The following HSD17B14 variants were observed in gnomAD, a reference collection of about 807,000 sequenced individuals.
The protein encoded by HSD17B14 is L-fucose dehydrogenase.
A neutral mutation model predicts 32.2 loss-of-function variants in HSD17B14; 32 were observed. The observed-to-expected ratio is 0.99, with a 90% CI of 0.75 to 1.33. HSD17B14 has a LOEUF of 1.33. Among genes scored for constraint, HSD17B14 ranks in the 40% most tolerant of loss-of-function variants. The pLI is 0.00. For synonymous variants in HSD17B14, 140 were observed against 155.4 expected (o/e 0.90, Z 0.74); for missense variants, 370 against 366.5 (o/e 1.01, Z -0.08).
At chr19:48,820,230 TTGGGAGGCCAAGGCAGG>T (rs1467422088) in intron 5 of HSD17B14, among the ~76,000 whole-genome samples, 33 of 152,022 alleles carry the variant, frequency 2.2e-4, no homozygotes, top group South Asian at 8.3e-4. Context: ...TCCCAGCATT[TTGGGAGGCCAAGGCAGG>T]TGGATCACCT....
At position 48,813,731 on chromosome 19, in the gene HSD17B14, C is replaced by T. The variant is rs1200340457; in HGVS notation, c.475-1G>A. 3.7e-6 allele frequency: 6 copies of T among 1,614,086 alleles called. No homozygotes were observed. Among genetic ancestry groups the T allele is most frequent in the East Asian group, 2.2e-5 (1 of 44,906 alleles). ...CTTTGGTCATGGCTGTTACTGCCCC[C>T]TGCAGGAAATGGAGCGGGGAAGAAA... On this transcript the variant is annotated splice_acceptor_variant, in intron 6 of 8. Transcript: ENST00000263278. LOFTEE classifies it high-confidence loss of function.
rs1568525793 is a variant in HSD17B14, at chr19:48,834,374, A to G, written c.128-16T>C. 19 of 1,598,816 alleles carry G rather than the reference A, an allele frequency of 1.2e-5. No individual in the cohort carries two copies. The highest frequency in any genetic ancestry group is 9.9e-5 in the South Asian group (9 of 90,490). On this transcript the variant is annotated splice_polypyrimidine_tract_variant and intron_variant, in intron 2 of 8. Coordinates refer to ENST00000263278, the MANE Select transcript of HSD17B14 (RefSeq NM_016246.3). ...CCCCCAGACTCTGCAGGGAGAGAAGAGCTGGGAGCCTGGACCCCTGGGTCT... is the reference window on the plus strand; with the variant it reads ...CCCCCAGACTCTGCAGGGAGAGAAGGGCTGGGAGCCTGGACCCCTGGGTCT...
At chr19:48,828,889 G>T (rs183003898) in intron 5 of HSD17B14, among the ~76,000 whole-genome samples, 1 of 151,778 alleles carries the variant, frequency 6.6e-6, no homozygotes, top group Non-Finnish European at 1.5e-5. Flanking sequence ...GTGAAACCTC[G>T]TCTCTACTAA....
chr19:48,830,359 G>T (rs11083950), intron 5 of HSD17B14, among the ~76,000 whole-genome samples: 2,274 of 152,174 alleles, frequency 0.015, 34 homozygotes, highest in Middle Eastern at 0.058. Context: ...CTATCACCTT[G>T]GGATGTGTTT....
intron 5 of HSD17B14, among the ~76,000 whole-genome samples, chr19:48,826,528 A>AAAAAAAAAAAAAAT (rs777368104): frequency 1.3e-4 from 3 of 23,096 alleles, no homozygotes; most frequent in African/African-American, 3.5e-4. Flanking sequence ...AAAAGAAGAA[A>AAAAAAAAAAAAAAT]ATATATATAT....
chr19:48,834,820 TG>T (rs1275434293), intron 2 of HSD17B14, among the ~76,000 whole-genome samples: 30 of 63,060 alleles, frequency 4.8e-4, no homozygotes, highest in South Asian at 7.5e-4. Flanking sequence ...GAGGAGGGGC[TG>T]GGGGCCTGGA....
At position 48,836,442 on chromosome 19, in the gene HSD17B14, C is replaced by T; in HGVS notation, c.-31G>A. On this transcript the variant is annotated 5_prime_UTR_variant, in exon 1 of 9. Coordinates refer to ENST00000263278, the MANE Select transcript of HSD17B14 (RefSeq NM_016246.3). ...GTACGTCGGTCTCTCTCTCTCTCTACTCTGGGCCTCTTTCACCTCCAAAGC... is the reference window on the plus strand; with the variant it reads ...GTACGTCGGTCTCTCTCTCTCTCTATTCTGGGCCTCTTTCACCTCCAAAGC... The T allele has an allele frequency of 1.9e-6, 3 of 1,603,274 alleles. No homozygotes were observed. The highest frequency in any genetic ancestry group is 8.5e-7 in the Non-Finnish European group (1 of 1,172,382).
chr19:48,831,802 G>A (rs757878508), intron 4 of HSD17B14, 43 bp from the exon 5 acceptor site: 9 of 1,143,914 alleles, frequency 7.9e-6, no homozygotes, highest in Middle Eastern at 2.0e-4. Flanking sequence ...GACGGGGGCT[G>A]GACACAGTTG....
chr19:48,831,027 G>A (rs1263242433), intron 5 of HSD17B14, among the ~76,000 whole-genome samples: 2 of 151,784 alleles, frequency 1.3e-5, no homozygotes, highest in African/African-American at 2.4e-5. Flanking sequence ...AGAGATGGGG[G>A]GTTTCGCTGT....
chr19:48,813,703 A>G lies in HSD17B14; in HGVS notation c.502T>C (p.Leu168=), dbSNP rs149556198. ...CCATATGGACTTTCATCCAGGGCCA[A>G]AGCTTTGGTCATGGCTGTTACTGCC... ...KGAVTAMTKA[L]ALDESPYGVR... Residue 168 remains leucine (L), a synonymous_variant, in exon 7 of 9, where the codon TTG becomes CTG. Transcript: ENST00000263278. 79 of 1,614,060 alleles carry G rather than the reference A, an allele frequency of 4.9e-5. No individual in the cohort carries two copies. The African/African-American group carries it at 1.0e-3, about 21-fold the overall frequency.
At chr19:48,832,757 GTTT>G in intron 3 of HSD17B14, 25 bp from the exon 4 acceptor site, 8 of 1,413,234 alleles carry the variant, frequency 5.7e-6, no homozygotes, top group Admixed American at 2.0e-5. Context: ...AATGTCCTTT[GTTT>G]TTTTTTTTTG....
At chr19:48,831,983 CAGG>C (rs1278439491) in intron 4 of HSD17B14, among the ~76,000 whole-genome samples, 1 of 149,186 alleles carries the variant, frequency 6.7e-6, no homozygotes, top group Non-Finnish European at 1.5e-5. Context: ...GAGGCTGAGG[CAGG>C]AGAATTGCTT....
At chr19:48,833,367 A>T (rs1029890641) in intron 3 of HSD17B14, among the ~76,000 whole-genome samples, 2 of 152,136 alleles carry the variant, frequency 1.3e-5, no homozygotes, top group Non-Finnish European at 2.9e-5. Flanking sequence ...AAAAGGAAGA[A>T]ATAGGAACCC....
chr19:48,813,528 G>C lies in HSD17B14; in HGVS notation c.567C>G (p.Thr189=), dbSNP rs1444607595. 1 of 1,613,980 alleles carries C rather than the reference G, an allele frequency of 6.2e-7. No homozygotes were observed. The highest frequency in any genetic ancestry group is 8.5e-7 in the Non-Finnish European group (1 of 1,180,002). Residue 189 remains threonine, a synonymous_variant, in exon 8 of 9, where the codon ACC becomes ACG. Coordinates refer to ENST00000263278, the MANE Select transcript of HSD17B14 (RefSeq NM_016246.3). ...AGGCTGCCAGCTCCTCCCACAGCGG[G>C]GTCCAGATGTTTCCTGGGGAGATAC... ...VNCISPGNIW[T]PLWEELAALM... is the part of the protein sequence containing the mutation.
chr19:48,815,153 A>G lies in HSD17B14; in HGVS notation c.370-12T>C, dbSNP rs2035031052. ...TAGGGGAGGGCGAGCTAGGGAGACA[A>G]GAGGCCAAGTAAGCTACACAAGCCC... On this transcript the variant is annotated splice_polypyrimidine_tract_variant and intron_variant, in intron 5 of 8. Coordinates refer to ENST00000263278, the MANE Select transcript of HSD17B14 (RefSeq NM_016246.3). 6.3e-7 allele frequency: 1 copy of G among 1,599,464 alleles called. No individual in the cohort carries two copies. Among genetic ancestry groups the G allele is most frequent in the East Asian group, 2.2e-5 (1 of 44,792 alleles).
intron 5 of HSD17B14, among the ~76,000 whole-genome samples, chr19:48,818,905 G>A (rs1386557142): frequency 6.6e-6 from 1 of 152,206 alleles, no homozygotes; most frequent in African/African-American, 2.4e-5. Flanking sequence ...GTGGCCGGAG[G>A]TGAGGTCAGA....
chr19:48,818,255 A>G (rs981678859), intron 5 of HSD17B14, among the ~76,000 whole-genome samples: 5 of 151,300 alleles, frequency 3.3e-5, no homozygotes, highest in Admixed American at 1.3e-4. Flanking sequence ...AGGTTGCAGT[A>G]AGCCACAATC....
At chr19:48,825,502 T>C (rs989129066) in intron 5 of HSD17B14, among the ~76,000 whole-genome samples, 2 of 151,818 alleles carry the variant, frequency 1.3e-5, no homozygotes, top group African/African-American at 4.8e-5. Flanking sequence ...TGAGATGGGG[T>C]CTGGTGCTAT....
chr19:48,822,203 T>C (rs1340599722), intron 5 of HSD17B14, among the ~76,000 whole-genome samples: 3 of 144,776 alleles, frequency 2.1e-5, no homozygotes, highest in Non-Finnish European at 4.5e-5. Context: ...GTGATGATGA[T>C]GATGGTGAGG....
Sources: gnomAD v4.1 joint callset for allele counts (sites outside exome capture counted in the v4.1 genomes callset) on GRCh38, gnomAD v4.1.1 for gene constraint, MANE v1.5 for transcripts, NCBI Gene and HGNC (gene_info 2026-07-23, HGNC 2026-07-21) for gene names.